The following FRMD5 variants were observed in gnomAD, a reference collection of about 807,000 sequenced individuals.
FRMD5 encodes FERM domain-containing protein 5.
Under a neutral mutation model 69.0 loss-of-function variants are expected in FRMD5, and 20 were observed. The observed-to-expected ratio is 0.29, with a 90% CI of 0.20 to 0.42. The LOEUF is 0.42. FRMD5 is among the 10% of genes least tolerant of loss of function. The pLI is 1.00. For synonymous variants in FRMD5, 271 were observed against 260.1 expected (o/e 1.04, Z -0.40); for missense variants, 595 against 708.6 (o/e 0.84, Z 1.82).
chr15:44,109,045 T>C (rs535504758), intron 1 of FRMD5, among the ~76,000 whole-genome samples: 1 of 151,770 alleles, frequency 6.6e-6, no homozygotes, highest in East Asian at 2.0e-4. Flanking sequence ...TTGCCAGATA[T>C]AAAGCATTTC....
At chr15:43,890,264 G>C (rs143469850) in intron 8 of FRMD5, among the ~76,000 whole-genome samples, 37 of 152,312 alleles carry the variant, frequency 2.4e-4, no homozygotes, top group African/African-American at 8.4e-4. Flanking sequence ...GAGTGAGATT[G>C]GGTTTACATC....
chr15:44,030,690 T>C (rs1426621059), intron 1 of FRMD5, among the ~76,000 whole-genome samples: 1 of 151,830 alleles, frequency 6.6e-6, no homozygotes, highest in East Asian at 1.9e-4. Flanking sequence ...ATGGATCCCA[T>C]TACAATCCCC....
At chr15:44,149,287 A>T (rs1308139370) in intron 1 of FRMD5, among the ~76,000 whole-genome samples, 1 of 152,170 alleles carries the variant, frequency 6.6e-6, no homozygotes. Context: ...AAAAGAAATA[A>T]GAAAGGAATG....
chr15:43,943,819 C>T (rs900687458), intron 1 of FRMD5, among the ~76,000 whole-genome samples: 1 of 152,216 alleles, frequency 6.6e-6, no homozygotes, highest in Admixed American at 6.5e-5. Context: ...GTTTCCAGAA[C>T]TATGACAGAA....
At chr15:43,950,740 G>T (rs1003694061) in intron 1 of FRMD5, among the ~76,000 whole-genome samples, 1 of 152,148 alleles carries the variant, frequency 6.6e-6, no homozygotes, top group East Asian at 1.9e-4. Flanking sequence ...CCTTACCAGC[G>T]ACAGCAAACC....
chr15:43,976,436 A>G (rs2090463510), intron 1 of FRMD5, among the ~76,000 whole-genome samples: 1 of 152,262 alleles, frequency 6.6e-6, no homozygotes, highest in Non-Finnish European at 1.5e-5. Context: ...TCAACATTCC[A>G]TAAAAAAACA....
At chr15:44,123,746 G>C (rs1030302174) in intron 1 of FRMD5, among the ~76,000 whole-genome samples, 3 of 152,002 alleles carry the variant, frequency 2.0e-5, no homozygotes, top group African/African-American at 7.2e-5. Flanking sequence ...GAGAGAAAAA[G>C]ATAAATTTTG....
rs922007468 is a variant in FRMD5, at chr15:43,873,091, A to G, written c.*794T>C. On this transcript the variant is annotated 3_prime_UTR_variant, in exon 14 of 14. Transcript: ENST00000417257. The stretch of plus-strand genomic sequence containing the variant: ...AAAGTCTTGAGGTTCTTCGGAAAAA[A>G]AAAATCACGTTAAGTCTAGTTTCAT... The G allele has an allele frequency of 1.5e-6, 2 of 1,356,042 alleles. No individual in the cohort carries two copies. Among genetic ancestry groups the G allele is most frequent in the African/African-American group, 2.9e-5 (2 of 68,024 alleles). 84.0% of individuals were successfully genotyped at this position (1,356,042 alleles called of 1,614,324 possible).
chr15:44,088,740 A>T (rs1307772726), intron 1 of FRMD5, among the ~76,000 whole-genome samples: 1 of 152,214 alleles, frequency 6.6e-6, no homozygotes, highest in Non-Finnish European at 1.5e-5. Context: ...TAATTGTCAC[A>T]ATAACTCTGG....
intron 1 of FRMD5, among the ~76,000 whole-genome samples, chr15:44,166,567 T>C (rs1226409186): frequency 1.3e-5 from 2 of 151,986 alleles, no homozygotes; most frequent in African/African-American, 4.8e-5. Flanking sequence ...GGTGGATCAC[T>C]TGAGGTCAGG....
chr15:43,940,887 A>T (rs2089850910), intron 1 of FRMD5, among the ~76,000 whole-genome samples: 1 of 152,244 alleles, frequency 6.6e-6, no homozygotes, highest in Non-Finnish European at 1.5e-5. Flanking sequence ...TGAATGGGTC[A>T]TTAATATTTT....
At chr15:43,888,680 TC>T (rs1274667350) in intron 9 of FRMD5, 128 bp downstream of exon 9, 1 of 743,562 alleles carries the variant, frequency 1.3e-6, no homozygotes, top group Non-Finnish European at 2.3e-6. Context: ...TACCTCCAGG[TC>T]CTGACCTTGG....
chr15:43,926,196 C>T (rs2089582613), intron 1 of FRMD5, among the ~76,000 whole-genome samples: 1 of 152,196 alleles, frequency 6.6e-6, no homozygotes, highest in Non-Finnish European at 1.5e-5. Context: ...CAGAGACCTG[C>T]CTGGATGCCA....
intron 1 of FRMD5, among the ~76,000 whole-genome samples, chr15:43,948,290 A>G (rs2089977651): frequency 6.6e-6 from 1 of 152,230 alleles, no homozygotes; most frequent in Non-Finnish European, 1.5e-5. Context: ...TTGTACTCTA[A>G]TATATGGCTG....
intron 1 of FRMD5, among the ~76,000 whole-genome samples, chr15:44,111,937 G>A (rs1030996757): frequency 9.9e-5 from 15 of 151,642 alleles, no homozygotes; most frequent in Non-Finnish European, 1.0e-4. Context: ...TCCGCCTCCC[G>A]GGTTCACGCC....
At chr15:44,079,793 T>A (rs1893922825) in intron 1 of FRMD5, among the ~76,000 whole-genome samples, 1 of 152,034 alleles carries the variant, frequency 6.6e-6, no homozygotes, top group African/African-American at 2.4e-5. Flanking sequence ...AAATGGAATA[T>A]TATTCAGTCT....
At chr15:44,042,952 A>G (rs2140320966) in intron 1 of FRMD5, among the ~76,000 whole-genome samples, 1 of 152,338 alleles carries the variant, frequency 6.6e-6, no homozygotes, top group Non-Finnish European at 1.5e-5. Context: ...AGAAAGAAAT[A>G]AAGGGTATTC....
At chr15:44,025,275 C>T (rs1419262399) in intron 1 of FRMD5, among the ~76,000 whole-genome samples, 1 of 152,042 alleles carries the variant, frequency 6.6e-6, no homozygotes, top group Admixed American at 6.6e-5. Context: ...GGAATGTAGA[C>T]ATGGGAAGAG....
At chr15:44,015,527 A>T (rs1890918329) in intron 1 of FRMD5, among the ~76,000 whole-genome samples, 1 of 152,190 alleles carries the variant, frequency 6.6e-6, no homozygotes. Context: ...TGCTCTAAGA[A>T]AAACTATTCA....
Sources: gnomAD v4.1 joint callset for allele counts (sites outside exome capture counted in the v4.1 genomes callset) on GRCh38, gnomAD v4.1.1 for gene constraint, MANE v1.5 for transcripts, NCBI Gene and HGNC (gene_info 2026-07-23, HGNC 2026-07-21) for gene names.